TRAPPC9: variants seen among roughly 807,000 people sequenced by gnomAD.
TRAPPC9 encodes the protein trafficking protein particle complex subunit 9.
TRAPPC9 carries 83 observed loss-of-function variants against 124.0 expected under a neutral mutation model. That is an observed-to-expected ratio of 0.67 (90% CI 0.56 to 0.80). The LOEUF is 0.80. Ranked by LOEUF, TRAPPC9 falls within the 30% of genes least tolerant of loss-of-function variation. TRAPPC9 has a pLI of 0.00. For missense variants in TRAPPC9, 1,302 were observed against 1,508.3 expected, an observed-to-expected ratio of 0.86 and a Z score of 2.27; for synonymous variants, 638 against 617.5, an observed-to-expected ratio of 1.03 and a Z score of -0.49.
chr8:140,310,412 G>A (rs1307461020), intron 10 of TRAPPC9, among the ~76,000 whole-genome samples: 1 of 152,144 alleles, frequency 6.6e-6, no homozygotes, highest in East Asian at 1.9e-4. Flanking sequence ...CCACTCGACA[G>A]CAAAATGTCA....
intron 21 of TRAPPC9, among the ~76,000 whole-genome samples, chr8:139,843,256 G>A (rs1826856112): frequency 6.6e-6 from 1 of 152,204 alleles, no homozygotes; most frequent in South Asian, 2.1e-4. Context: ...CAGATAAACT[G>A]AGGCTCAGAA....
At chr8:140,081,432 G>A (rs1457264152) in intron 17 of TRAPPC9, among the ~76,000 whole-genome samples, 3 of 142,892 alleles carry the variant, frequency 2.1e-5, no homozygotes, top group African/African-American at 5.1e-5. Context: ...TACGACCTCC[G>A]CCTCCCAGGT....
At chr8:139,878,643 C>G (rs768108207) in intron 21 of TRAPPC9, among the ~76,000 whole-genome samples, 15 of 152,168 alleles carry the variant, frequency 9.9e-5, no homozygotes, top group Non-Finnish European at 1.8e-4. Context: ...CCTGGCCCAG[C>G]AGGTGAGCTG....
chr8:140,043,154 G>A (rs557704040), intron 17 of TRAPPC9, among the ~76,000 whole-genome samples: 5 of 152,190 alleles, frequency 3.3e-5, no homozygotes, highest in Non-Finnish European at 5.9e-5. Context: ...GCTTCTATGT[G>A]CAGTAAGAAA....
rs143738258 is a variant in TRAPPC9 at position 139,798,961 on chromosome 8, T to C, written c.3056-66759A>G. Among the ~76,000 whole-genome samples the C allele has an allele frequency of 6.7e-4, 102 of 152,296 alleles. No individual in the cohort carries two copies. In the East Asian group the frequency reaches 0.015, roughly 23 times the overall value. On this transcript the variant is annotated intron_variant, in intron 21 of 22. Transcript: ENST00000438773. Reference sequence around the variant, plus strand: ...AGCTTTTCGGGGCCACTGGAATTCCTTGGTTTGTAACCACATCACTCCAAT... The same window carrying C: ...AGCTTTTCGGGGCCACTGGAATTCCCTGGTTTGTAACCACATCACTCCAAT...
chr8:140,332,323 G>A (rs1483514177), intron 9 of TRAPPC9, among the ~76,000 whole-genome samples: 1 of 152,166 alleles, frequency 6.6e-6, no homozygotes, highest in East Asian at 1.9e-4. Context: ...AAGGGTTGGG[G>A]GAAGGAAGGA....
chr8:140,128,805 C>T (rs554264947), intron 17 of TRAPPC9, among the ~76,000 whole-genome samples: 3 of 152,046 alleles, frequency 2.0e-5, no homozygotes, highest in Non-Finnish European at 4.4e-5. Flanking sequence ...ACCCTCCTGG[C>T]GATGGGTCAG....
chr8:140,288,929 C>A (rs1025953112), intron 12 of TRAPPC9, among the ~76,000 whole-genome samples: 2 of 152,082 alleles, frequency 1.3e-5, no homozygotes, highest in Non-Finnish European at 2.9e-5. Context: ...TCAAAGCTAC[C>A]CCGCAACTAT....
intron 19 of TRAPPC9, among the ~76,000 whole-genome samples, chr8:139,975,833 C>A (rs1836405697): frequency 1.3e-5 from 2 of 151,760 alleles, no homozygotes; most frequent in Admixed American, 1.3e-4. Context: ...GCTGCTCTCT[C>A]TTCTAATAAG....
chr8:140,356,499 G>A (rs1352109278), intron 9 of TRAPPC9, among the ~76,000 whole-genome samples: 1 of 152,174 alleles, frequency 6.6e-6, no homozygotes, highest in African/African-American at 2.4e-5. Context: ...GGTACCCAAA[G>A]GGGAAGATAT....
chr8:140,370,502 A>G (rs576577709), intron 8 of TRAPPC9, among the ~76,000 whole-genome samples: 1 of 152,278 alleles, frequency 6.6e-6, no homozygotes, highest in South Asian at 2.1e-4. Flanking sequence ...ATCCTTGTAC[A>G]TATTTGTTAT....
chr8:139,733,076 C>T (rs917588662), intron 21 of TRAPPC9, among the ~76,000 whole-genome samples: 17 of 151,988 alleles, frequency 1.1e-4, no homozygotes, highest in African/African-American at 2.9e-4. Flanking sequence ...CCAAAAGATA[C>T]GTGAGAATGT....
chr8:139,849,894 G>A (rs1296868022), intron 21 of TRAPPC9, among the ~76,000 whole-genome samples: 2 of 152,208 alleles, frequency 1.3e-5, no homozygotes, highest in Non-Finnish European at 2.9e-5. Flanking sequence ...TTTCCGACCT[G>A]AAGGAGGCCC....
upstream of TRAPPC9, chr8:140,458,150 G>GA: frequency 8.2e-7 from 1 of 1,216,362 alleles, no homozygotes; most frequent in Non-Finnish European, 1.1e-6. Context: ...AGGAGGGAAG[G>GA]AGGGAGATGG....
intron 18 of TRAPPC9, among the ~76,000 whole-genome samples, chr8:140,013,840 A>G (rs1019467267): frequency 6.6e-6 from 1 of 151,982 alleles, no homozygotes; most frequent in African/African-American, 2.4e-5. Context: ...AGTCAGTGTT[A>G]TCTCCTTTTC....
chr8:139,740,313 G>A (rs190212650), intron 21 of TRAPPC9, among the ~76,000 whole-genome samples: 94 of 152,338 alleles, frequency 6.2e-4, no homozygotes, highest in African/African-American at 2.2e-3. Flanking sequence ...GCTATAGCAC[G>A]TCCAGGCTCT....
At chr8:140,456,851 T>A (rs756383323) in intron 1 of TRAPPC9, 16 of 985,260 alleles carry the variant, frequency 1.6e-5, no homozygotes, top group Non-Finnish European at 1.9e-5. Flanking sequence ...TATAGAAACA[T>A]TTGAAGACAG....
chr8:140,420,168 AATG>A (rs1362081356), intron 5 of TRAPPC9, among the ~76,000 whole-genome samples: 2 of 152,324 alleles, frequency 1.3e-5, no homozygotes, highest in Admixed American at 6.5e-5. Flanking sequence ...AAAAGTATAA[AATG>A]ATGTTCTGAA....
Position 140,105,254 on chromosome 8 carries a change from A to G in TRAPPC9, c.2557-81175T>C, listed in dbSNP as rs1448691802. Among the ~76,000 whole-genome samples the G allele has an allele frequency of 3.2e-4, 48 of 152,350 alleles. 1 individual carries two copies. Among genetic ancestry groups the G allele is most frequent in the Non-Finnish European group, 4.4e-5 (3 of 68,026 alleles). On this transcript the variant is annotated intron_variant, in intron 17 of 22. Transcript: ENST00000438773. Reference sequence around the variant, plus strand: ...ACTGTGCTCAAATAGTGGTTGACGCATAATAAATGGTCTATAAATATATGG... The same window carrying G: ...ACTGTGCTCAAATAGTGGTTGACGCGTAATAAATGGTCTATAAATATATGG...
Sources: allele counts gnomAD v4.1 joint callset (sites outside exome capture counted in the v4.1 genomes callset), GRCh38; gene constraint gnomAD v4.1.1; transcripts MANE v1.5; gene names NCBI Gene and HGNC (gene_info 2026-07-23, HGNC 2026-07-21).